LAMB1: variants seen among roughly 807,000 people sequenced by gnomAD.
LAMB1 encodes the protein laminin subunit beta 1.
In LAMB1, 121 loss-of-function variants were observed where a neutral mutation model predicts 222.3. The ratio of observed to expected loss-of-function variants is 0.54; its 90% CI spans 0.47 to 0.63. The LOEUF (loss-of-function observed/expected upper bound fraction) is 0.63, where lower values mean the gene tolerates loss of function less well. Ranked by LOEUF, LAMB1 falls within the 30% of genes least tolerant of loss-of-function variation. The pLI is 0.00. For synonymous variants in LAMB1, 794 were observed against 807.2 expected, an observed-to-expected ratio of 0.98 and a Z score of 0.28; for missense variants, 2,172 against 2,240.8, an observed-to-expected ratio of 0.97 and a Z score of 0.62.
At chr7:107,927,316 T>C (rs558363648) in intron 31 of LAMB1, among the ~76,000 whole-genome samples, 2 of 152,348 alleles carry the variant, frequency 1.3e-5, no homozygotes, top group East Asian at 3.9e-4. Context: ...CTTTGTTTCT[T>C]ATTGTTACTA....
intron 15 of LAMB1, among the ~76,000 whole-genome samples, chr7:107,962,322 AG>A (rs1358008347): frequency 6.6e-6 from 1 of 152,246 alleles, no homozygotes; most frequent in African/African-American, 2.4e-5. Flanking sequence ...TTGTGAGGGA[AG>A]GAGAGGATCT....
intron 21 of LAMB1, 79 bp from the exon 22 acceptor site, chr7:107,953,833 G>T: frequency 8.1e-7 from 1 of 1,239,298 alleles, no homozygotes. Flanking sequence ...CTCATGCCTA[G>T]AGAGAGCTGA....
chr7:107,951,923 CTGGTGCCT>C, intron 23 of LAMB1, 78 bp downstream of exon 23: 1 of 1,143,876 alleles, frequency 8.7e-7, no homozygotes, highest in Non-Finnish European at 1.3e-6. Flanking sequence ...GCTGTGTGCC[CTGGTGCCT>C]TGCTCTAACT....
rs548375998 is a variant in LAMB1 at position 108,002,363 on chromosome 7, G to A, written c.37+486C>T. On this transcript the variant is annotated intron_variant, in intron 2 of 33. Coordinates refer to ENST00000222399, the MANE Select transcript of LAMB1 (RefSeq NM_002291.3). ...GGTTTCAAGGCTTCTCCATTCCAGG[G>A]AAGCGCCAGGTCCTGCTGTTTCTGG... 15 of 1,316,926 alleles carry A rather than the reference G, an allele frequency of 1.1e-5. No homozygotes were observed. The South Asian group carries it at 1.2e-4, about 11-fold the overall frequency. 81.6% of individuals were successfully genotyped at this position (1,316,926 alleles called of 1,614,324 possible).
intron 32 of LAMB1, among the ~76,000 whole-genome samples, chr7:107,925,036 T>A (rs551836709): frequency 6.6e-6 from 1 of 152,178 alleles, no homozygotes; most frequent in Non-Finnish European, 1.5e-5. Context: ...TTGAGAAATT[T>A]GTGTCCTCAG....
At chr7:107,971,344 A>C (rs2033744850) in intron 13 of LAMB1, among the ~76,000 whole-genome samples, 1 of 152,180 alleles carries the variant, frequency 6.6e-6, no homozygotes, top group Non-Finnish European at 1.5e-5. Context: ...TTACTACGTA[A>C]AAAGAAATAT....
chr7:107,988,639 C>T (rs1373999152), intron 5 of LAMB1, among the ~76,000 whole-genome samples: 2 of 152,048 alleles, frequency 1.3e-5, no homozygotes, highest in Admixed American at 6.6e-5. Context: ...TAACTCCATA[C>T]TTCAGGTCAC....
Position 107,998,487 on chromosome 7 carries a change from G to C in LAMB1, c.219C>G (p.Asp73Glu), listed in dbSNP as rs200483958. 5.3e-5 allele frequency: 85 copies of C among 1,612,766 alleles called. No homozygotes were observed. The highest frequency in any genetic ancestry group is 6.7e-5 in the Non-Finnish European group (79 of 1,179,472). Residue 73 changes from aspartate (D) to glutamate (E), a missense_variant, in exon 4 of 34, where the codon GAC (aspartate) becomes GAG (glutamate). Transcript: ENST00000222399. The part of the protein sequence containing the change: ...PYCIVSHLQE[D>E]KKCFICNSQD... ...GGGAATTGCATATGAAGCATTTTTTGTCCTCCTACAAACAAAGTTGAGTTC... is the reference window on the plus strand; with the variant it reads ...GGGAATTGCATATGAAGCATTTTTTCTCCTCCTACAAACAAAGTTGAGTTC...
chr7:107,938,933 G>A (rs192034242), intron 25 of LAMB1, among the ~76,000 whole-genome samples: 9 of 152,302 alleles, frequency 5.9e-5, no homozygotes, highest in Admixed American at 5.2e-4. Context: ...AATGTCAGCT[G>A]TCCTCTGCTA....
chr7:107,983,104 T>C (rs2034006529), intron 7 of LAMB1, among the ~76,000 whole-genome samples: 1 of 152,204 alleles, frequency 6.6e-6, no homozygotes, highest in Admixed American at 6.5e-5. Flanking sequence ...GGCACAGAGC[T>C]GGACACATCT....
intron 25 of LAMB1, among the ~76,000 whole-genome samples, chr7:107,938,457 T>A (rs1299871129): frequency 6.6e-6 from 1 of 152,202 alleles, no homozygotes; most frequent in African/African-American, 2.4e-5. Context: ...TATTTTAAAA[T>A]AAGGCCACTT....
chr7:107,981,511 G>A (rs901327969), intron 7 of LAMB1, among the ~76,000 whole-genome samples: 1 of 152,074 alleles, frequency 6.6e-6, no homozygotes, highest in African/African-American at 2.4e-5. Context: ...TACTCTGGAG[G>A]TTGAGGCAGG....
chr7:107,989,884 G>A (rs915141481), intron 5 of LAMB1, among the ~76,000 whole-genome samples: 1 of 152,174 alleles, frequency 6.6e-6, no homozygotes, highest in South Asian at 2.1e-4. Flanking sequence ...TTAAGAAGCT[G>A]CTGGAAACCA....
chr7:107,966,451 CA>C (rs2033638994), intron 13 of LAMB1, among the ~76,000 whole-genome samples: 1 of 152,080 alleles, frequency 6.6e-6, no homozygotes. Context: ...CCTCGTGATC[CA>C]TCTGCTTCGG....
At chr7:107,928,578 G>A (rs928795734) in intron 31 of LAMB1, among the ~76,000 whole-genome samples, 1 of 150,690 alleles carries the variant, frequency 6.6e-6, no homozygotes, top group Non-Finnish European at 1.5e-5. Context: ...TTGCAACCTC[G>A]ACCTCCCCGG....
chr7:107,983,805 C>T (rs973635234), intron 7 of LAMB1, among the ~76,000 whole-genome samples: 3 of 151,954 alleles, frequency 2.0e-5, no homozygotes, highest in Non-Finnish European at 4.4e-5. Flanking sequence ...TGTGAGCCAC[C>T]GCGCCCAGTG....
intron 14 of LAMB1, among the ~76,000 whole-genome samples, chr7:107,963,890 G>A (rs1296038327): frequency 6.6e-6 from 1 of 152,194 alleles, no homozygotes; most frequent in Non-Finnish European, 1.5e-5. Context: ...CCTGAGGTCG[G>A]GAGTTCGAGA....
chr7:107,959,422 C>A lies in LAMB1; in HGVS notation c.2517G>T (p.Gln839His), dbSNP rs775725670. The change falls in exon 20 of 34, where the codon CAG (glutamine) becomes CAT (histidine). Residue 839 changes from glutamine (Q) to histidine (H), a missense_variant. Gln to His is a conservative substitution (Grantham distance 24). Coordinates refer to ENST00000222399, the MANE Select transcript of LAMB1 (RefSeq NM_002291.3). ...VNAFCNPVTGQCHCFQGVYAR... is the reference protein window; with the variant it reads ...VNAFCNPVTGHCHCFQGVYAR... ...CATACACTCCCTGGAAACAGTGGCA[C>A]TGGCCAGTGACGGGATTGCAGAAGG... is the stretch of plus-strand genomic sequence containing the variant. 1 of 1,614,262 alleles carries A rather than the reference C, an allele frequency of 6.2e-7. No homozygotes were observed. Among genetic ancestry groups the A allele is most frequent in the Non-Finnish European group, 8.5e-7 (1 of 1,180,046 alleles).
intron 2 of LAMB1, chr7:108,002,066 C>T: frequency 2.7e-6 from 4 of 1,460,314 alleles, no homozygotes; most frequent in South Asian, 1.4e-5. Flanking sequence ...ATGTGTAGAC[C>T]CTCCACTTCG....
Sources: gnomAD v4.1 joint callset for allele counts (sites outside exome capture counted in the v4.1 genomes callset) on GRCh38, gnomAD v4.1.1 for gene constraint, MANE v1.5 for transcripts, NCBI Gene and HGNC (gene_info 2026-07-23, HGNC 2026-07-21) for gene names.